CDH11: variants seen among roughly 807,000 people sequenced by gnomAD.
CDH11 encodes the protein cadherin 11.
Under a neutral mutation model 67.8 loss-of-function variants are expected in CDH11, and 11 were observed. That is an observed-to-expected ratio of 0.16 (90% CI 0.10 to 0.27). CDH11 has a LOEUF of 0.27. Ranked by LOEUF, CDH11 falls within the 10% of genes least tolerant of loss-of-function variation. The pLI is 1.00. For synonymous variants in CDH11, 419 were observed against 400.0 expected (o/e 1.05, Z -0.57); for missense variants, 847 against 1,031.2 (o/e 0.82, Z 2.45).
At chr16:65,027,759 G>T (rs2073563042) in intron 2 of CDH11, among the ~76,000 whole-genome samples, 1 of 152,134 alleles carries the variant, frequency 6.6e-6, no homozygotes, top group Non-Finnish European at 1.5e-5. Flanking sequence ...CCATGACATT[G>T]GCTTGGACTC....
chr16:65,031,366 A>G (rs1420213955), intron 2 of CDH11, among the ~76,000 whole-genome samples: 1 of 152,224 alleles, frequency 6.6e-6, no homozygotes, highest in Admixed American at 6.5e-5. Flanking sequence ...CACAGAAAAT[A>G]GATGAACGTA....
intron 1 of CDH11, among the ~76,000 whole-genome samples, chr16:65,058,100 G>A (rs1416892859): frequency 6.6e-6 from 1 of 152,126 alleles, no homozygotes; most frequent in Admixed American, 6.5e-5. Flanking sequence ...GCAGGTGCCT[G>A]TAGTCCCAGC....
At chr16:65,051,635 A>G (rs2074057760) in intron 2 of CDH11, among the ~76,000 whole-genome samples, 1 of 152,128 alleles carries the variant, frequency 6.6e-6, no homozygotes, top group African/African-American at 2.4e-5. Flanking sequence ...GGAACCTGTA[A>G]TCCCCAAGTG....
intron 1 of CDH11, among the ~76,000 whole-genome samples, chr16:65,056,636 C>T (rs898374751): frequency 6.6e-6 from 1 of 152,164 alleles, no homozygotes; most frequent in African/African-American, 2.4e-5. Context: ...CACCCTACAA[C>T]ACAAAAAGGT....
intron 1 of CDH11, among the ~76,000 whole-genome samples, chr16:65,092,171 C>T (rs2074803220): frequency 6.6e-6 from 1 of 152,192 alleles, no homozygotes; most frequent in Non-Finnish European, 1.5e-5. Context: ...ACAGTGATTG[C>T]TACACTGCAG....
chr16:64,946,551 CAGG>C lies in CDH11; in HGVS notation c.*1049_*1051del. 9.7e-7 allele frequency: 1 copy of C among 1,032,764 alleles called. No individual in the cohort carries two copies. Among genetic ancestry groups the C allele is most frequent in the Non-Finnish European group, 1.2e-6 (1 of 858,624 alleles). 64.0% of individuals were successfully genotyped at this position (1,032,764 alleles called of 1,614,324 possible). ...TTAGAAGATGTGTGTGAAGAGAAGC[CAGG>C]AGGTTAACACCAAGAATGTACAAAA... On this transcript the variant is annotated 3_prime_UTR_variant, in exon 13 of 13. Coordinates refer to ENST00000268603, the MANE Select transcript of CDH11 (RefSeq NM_001797.4).
In CDH11 at chr16:65,098,870, T is replaced by C. The variant is rs369944477; in HGVS notation, c.-298+23010A>G. Reference sequence around the variant, plus strand: ...GTGTGTGTGGGGGAGGTGGGGCGTGTAGTCTTCTAAATTTTTCTAAATATC... The same window carrying C: ...GTGTGTGTGGGGGAGGTGGGGCGTGCAGTCTTCTAAATTTTTCTAAATATC... On this transcript the variant is annotated intron_variant, in intron 1 of 12. Coordinates refer to ENST00000268603, the MANE Select transcript of CDH11 (RefSeq NM_001797.4). Among the ~76,000 whole-genome samples, 177 of 152,218 alleles carry C rather than the reference T, an allele frequency of 1.2e-3. 1 individual carries two copies. The highest frequency in any genetic ancestry group is 4.2e-3 in the South Asian group (20 of 4,818).
chr16:65,073,699 G>T (rs1185973037), intron 1 of CDH11, among the ~76,000 whole-genome samples: 2 of 152,128 alleles, frequency 1.3e-5, no homozygotes, highest in Admixed American at 1.3e-4. Context: ...TGGGTGGGAG[G>T]TAAGTCCTCC....
chr16:65,076,700 C>T (rs1281433969), intron 1 of CDH11, among the ~76,000 whole-genome samples: 1 of 149,454 alleles, frequency 6.7e-6, no homozygotes, highest in Non-Finnish European at 1.5e-5. Flanking sequence ...CCCGACAAGC[C>T]CCAGTGTGTG....
At chr16:65,055,215 C>T (rs2074122631) in intron 1 of CDH11, among the ~76,000 whole-genome samples, 1 of 152,174 alleles carries the variant, frequency 6.6e-6, no homozygotes, top group Non-Finnish European at 1.5e-5. Flanking sequence ...CTAAAATTAC[C>T]CCACAATAAC....
chr16:65,036,968 G>A (rs1359975562), intron 2 of CDH11, among the ~76,000 whole-genome samples: 3 of 152,234 alleles, frequency 2.0e-5, no homozygotes, highest in African/African-American at 4.8e-5. Flanking sequence ...AAGAACTTTC[G>A]ATGAGAAAGG....
intron 8 of CDH11, among the ~76,000 whole-genome samples, chr16:64,974,484 A>G (rs2072107157): frequency 6.6e-6 from 1 of 152,316 alleles, no homozygotes; most frequent in East Asian, 1.9e-4. Context: ...GGAAGAGACA[A>G]TATTGGAAGC....
At chr16:65,119,930 T>C (rs2075297425) in intron 1 of CDH11, among the ~76,000 whole-genome samples, 1 of 152,204 alleles carries the variant, frequency 6.6e-6, no homozygotes, top group African/African-American at 2.4e-5. Context: ...TTTCAGTTTT[T>C]CACAGAGGTT....
At chr16:65,045,552 A>G (rs1372568568) in intron 2 of CDH11, among the ~76,000 whole-genome samples, 1 of 151,656 alleles carries the variant, frequency 6.6e-6, no homozygotes, top group Non-Finnish European at 1.5e-5. Context: ...AATTGGTGGC[A>G]GATTTTAGTA....
intron 11 of CDH11, among the ~76,000 whole-genome samples, chr16:64,967,597 G>T (rs1332145991): frequency 6.6e-6 from 1 of 152,066 alleles, no homozygotes; most frequent in Non-Finnish European, 1.5e-5. Flanking sequence ...AAGGTAGAAA[G>T]ACAACTTGAA....
chr16:65,017,043 G>A (rs1883165718), intron 2 of CDH11, among the ~76,000 whole-genome samples: 1 of 152,146 alleles, frequency 6.6e-6, no homozygotes, highest in Non-Finnish European at 1.5e-5. Flanking sequence ...TGAGCAATGA[G>A]GATGATCAGA....
intron 1 of CDH11, among the ~76,000 whole-genome samples, chr16:65,056,057 A>G (rs949849140): frequency 3.9e-5 from 6 of 152,170 alleles, no homozygotes; most frequent in African/African-American, 1.4e-4. Context: ...GGACTTTGAG[A>G]AATTAAGATC....
intron 1 of CDH11, among the ~76,000 whole-genome samples, chr16:65,120,667 A>T (rs933635547): frequency 1.3e-5 from 2 of 152,204 alleles, no homozygotes; most frequent in African/African-American, 4.8e-5. Flanking sequence ...GCGATTTCTT[A>T]ATAGCAGTGT....
Position 65,089,338 on chromosome 16 carries a change from G to T in CDH11, c.-298+32542C>A, listed in dbSNP as rs377443434. On this transcript the variant is annotated intron_variant, in intron 1 of 12. Coordinates refer to ENST00000268603, the MANE Select transcript of CDH11 (RefSeq NM_001797.4). ...GGAAAAAGAAATAGAAGATGATCAA[G>T]TTCTAGGCACTTAACCAGCGATACC... Among the ~76,000 whole-genome samples the T allele has an allele frequency of 3.9e-5, 6 of 152,224 alleles. No individual in the cohort carries two copies. The East Asian group carries it at 1.2e-3, about 29-fold the overall frequency.
Sources: gnomAD v4.1 joint callset for allele counts (sites outside exome capture counted in the v4.1 genomes callset) on GRCh38, gnomAD v4.1.1 for gene constraint, MANE v1.5 for transcripts, NCBI Gene and HGNC (gene_info 2026-07-23, HGNC 2026-07-21) for gene names.